Variants in RAB3C observed in about 807,000 individuals in gnomAD.
RAB3C encodes ras-related protein Rab-3C.
RAB3C carries 17 observed loss-of-function variants against 26.4 expected under a neutral mutation model. The observed-to-expected ratio is 0.64, with a 90% CI of 0.44 to 0.97. The LOEUF is 0.97. Among genes scored for constraint, RAB3C ranks in the 50% least tolerant of loss-of-function variants. The pLI is 0.00. For synonymous variants in RAB3C, 91 were observed against 95.9 expected, an observed-to-expected ratio of 0.95 and a Z score of 0.30; for missense variants, 242 against 281.9, an observed-to-expected ratio of 0.86 and a Z score of 1.01.
At chr5:58,596,226 T>A (rs1236170595) in intron 1 of RAB3C, among the ~76,000 whole-genome samples, 1 of 151,984 alleles carries the variant, frequency 6.6e-6, no homozygotes, top group Non-Finnish European at 1.5e-5. Context: ...ACACTTGGTA[T>A]CTCCAATTCC....
intron 2 of RAB3C, among the ~76,000 whole-genome samples, chr5:58,715,893 T>C (rs73757934): frequency 0.015 from 2,348 of 152,042 alleles, 68 homozygotes; most frequent in African/African-American, 0.054. Flanking sequence ...CGTCATGCCC[T>C]GGAAGAGTGA....
chr5:58,833,922 T>C (rs1743676424), intron 4 of RAB3C, among the ~76,000 whole-genome samples: 1 of 152,168 alleles, frequency 6.6e-6, no homozygotes, highest in South Asian at 2.1e-4. Flanking sequence ...AAAGACAACA[T>C]TGCATATTGC....
At chr5:58,623,676 T>C (rs1049187201) in intron 2 of RAB3C, among the ~76,000 whole-genome samples, 3 of 152,340 alleles carry the variant, frequency 2.0e-5, no homozygotes, top group South Asian at 4.1e-4. Context: ...CTTCTCAGCA[T>C]TGACAAAATA....
upstream of RAB3C, among the ~76,000 whole-genome samples, chr5:58,582,863 T>C (rs113782886): frequency 3.7e-3 from 559 of 152,152 alleles, 4 homozygotes; most frequent in African/African-American, 0.013. Flanking sequence ...CTGGGAGAGG[T>C]AACCCAGGAG....
intron 2 of RAB3C, among the ~76,000 whole-genome samples, chr5:58,633,244 C>G (rs1747222084): frequency 6.6e-6 from 1 of 152,210 alleles, no homozygotes; most frequent in Non-Finnish European, 1.5e-5. Flanking sequence ...AACCATTGCT[C>G]TACAACATCT....
rs555379620 is a variant in RAB3C, at chr5:58,857,219, G to T, written c.*5868G>T. On this transcript the variant is annotated 3_prime_UTR_variant, in exon 5 of 5. Coordinates refer to ENST00000282878, the MANE Select transcript of RAB3C (RefSeq NM_138453.4). ...AAATGATTTTCTTGTAGCTGTATTTGTCTAGTGGTGCAATTTATACAGTAA... is the reference window on the plus strand; with the variant it reads ...AAATGATTTTCTTGTAGCTGTATTTTTCTAGTGGTGCAATTTATACAGTAA... 3 of 152,216 alleles carry T rather than the reference G, an allele frequency of 2.0e-5. No individual in the cohort carries two copies. In the East Asian group the frequency reaches 5.8e-4, roughly 29 times the overall value. 9.4% of individuals were successfully genotyped at this position (152,216 alleles called of 1,614,324 possible). A position where few individuals can be genotyped will look rare whatever the true frequency, so the allele number is the denominator to read the frequency against.
At chr5:58,689,798 C>CT (rs1320750391) in intron 2 of RAB3C, among the ~76,000 whole-genome samples, 3 of 152,124 alleles carry the variant, frequency 2.0e-5, no homozygotes, top group Non-Finnish European at 4.4e-5. Flanking sequence ...CCTCAAAGCC[C>CT]TGAGAGGATG....
At chr5:58,664,887 C>T (rs562193436) in intron 2 of RAB3C, among the ~76,000 whole-genome samples, 1 of 152,130 alleles carries the variant, frequency 6.6e-6, no homozygotes, top group Non-Finnish European at 1.5e-5. Context: ...GCTGACTTTG[C>T]TCCTAACCAC....
At chr5:58,612,597 G>T (rs1364863066) in intron 1 of RAB3C, among the ~76,000 whole-genome samples, 2 of 146,884 alleles carry the variant, frequency 1.4e-5, no homozygotes, top group African/African-American at 5.1e-5. Flanking sequence ...GAATGGAATT[G>T]TATTCCTGAT....
At chr5:58,798,345 G>A (rs1742723407) in intron 3 of RAB3C, among the ~76,000 whole-genome samples, 1 of 152,286 alleles carries the variant, frequency 6.6e-6, no homozygotes, top group South Asian at 2.1e-4. Context: ...TCTAGCTGAT[G>A]ATATACTAAC....
chr5:58,687,456 C>T (rs989819403), intron 2 of RAB3C, among the ~76,000 whole-genome samples: 3 of 152,042 alleles, frequency 2.0e-5, no homozygotes, highest in African/African-American at 7.2e-5. Flanking sequence ...TAATTGTGGA[C>T]TAAAAACAAC....
At chr5:58,807,255 C>G (rs189516141) in intron 3 of RAB3C, among the ~76,000 whole-genome samples, 253 of 152,284 alleles carry the variant, frequency 1.7e-3, no homozygotes, top group Admixed American at 3.0e-3. Context: ...AGATGGGAAG[C>G]AAGACCTTTC....
chr5:58,615,975 C>T (rs905001414), intron 1 of RAB3C, among the ~76,000 whole-genome samples: 4 of 103,752 alleles, frequency 3.9e-5, no homozygotes, highest in Non-Finnish European at 7.9e-5. Context: ...CATACGTGTA[C>T]ACACACACAG....
At chr5:58,647,920 C>G (rs1008922479) in intron 2 of RAB3C, among the ~76,000 whole-genome samples, 3 of 152,052 alleles carry the variant, frequency 2.0e-5, no homozygotes, top group Admixed American at 2.0e-4. Context: ...GGGGTTAAAT[C>G]AATGTGGTTA....
In RAB3C at chr5:58,853,387, C is replaced by T. The variant is rs1016379957; in HGVS notation, c.*2036C>T. 2.6e-5 allele frequency: 4 copies of T among 152,230 alleles called. No homozygotes were observed. The highest frequency in any genetic ancestry group is 9.7e-5 in the African/African-American group (4 of 41,442). The allele number at this position is 152,230 out of a possible 1,614,324, so 9.4% of individuals were successfully genotyped here. ...ATAAAGCCAGGAAACCCTTCTCATC[C>T]TCCTTCACAGCCCTCATCCCACACA... On this transcript the variant is annotated 3_prime_UTR_variant, in exon 5 of 5. Transcript: ENST00000282878.
chr5:58,699,285 C>T (rs1748787194), intron 2 of RAB3C, among the ~76,000 whole-genome samples: 2 of 152,162 alleles, frequency 1.3e-5, no homozygotes, highest in African/African-American at 4.8e-5. Flanking sequence ...TATTGCAGAA[C>T]AGCAAATATT....
At chr5:58,831,573 C>G (rs1355990360) in intron 4 of RAB3C, among the ~76,000 whole-genome samples, 2 of 152,108 alleles carry the variant, frequency 1.3e-5, no homozygotes, top group Non-Finnish European at 2.9e-5. Context: ...CTTTAGAGCA[C>G]CACTTTAGGG....
At chr5:58,666,111 A>G (rs577950920) in intron 2 of RAB3C, among the ~76,000 whole-genome samples, 1 of 152,338 alleles carries the variant, frequency 6.6e-6, no homozygotes, top group South Asian at 2.1e-4. Context: ...TGCTTCTGGC[A>G]GGTTCCAACA....
intron 3 of RAB3C, among the ~76,000 whole-genome samples, chr5:58,767,437 C>A (rs1741929741): frequency 6.6e-6 from 1 of 152,156 alleles, no homozygotes; most frequent in South Asian, 2.1e-4. Context: ...TATTGAGCAC[C>A]TGCTCTGTGT....
Sources: allele counts gnomAD v4.1 joint callset (sites outside exome capture counted in the v4.1 genomes callset), GRCh38; gene constraint gnomAD v4.1.1; transcripts MANE v1.5; gene names NCBI Gene and HGNC (gene_info 2026-07-23, HGNC 2026-07-21).